The following MYO9A variants were observed in gnomAD, a reference collection of about 807,000 sequenced individuals.
MYO9A encodes the protein unconventional myosin-IXa.
Under a neutral mutation model 293.3 loss-of-function variants are expected in MYO9A, and 103 were observed. The ratio of observed to expected loss-of-function variants is 0.35; its 90% CI spans 0.30 to 0.41. The LOEUF is 0.41. Ranked by LOEUF, MYO9A falls within the 10% of genes least tolerant of loss-of-function variation. MYO9A has a pLI of 1.00. For synonymous variants in MYO9A, 1,001 were observed against 1,035.7 expected, an observed-to-expected ratio of 0.97 and a Z score of 0.64; for missense variants, 2,685 against 3,033.0, an observed-to-expected ratio of 0.89 and a Z score of 2.69.
At chr15:72,073,792 A>G (rs1297999100) in intron 1 of MYO9A, among the ~76,000 whole-genome samples, 2 of 152,220 alleles carry the variant, frequency 1.3e-5, no homozygotes, top group Admixed American at 6.5e-5. Context: ...GTATTATGTA[A>G]ATATGGCAGG....
At chr15:71,828,069 T>C in intron 40 of MYO9A, 43 bp from the exon 41 acceptor site, 1 of 1,584,042 alleles carries the variant, frequency 6.3e-7, no homozygotes, top group South Asian at 1.2e-5. Flanking sequence ...TGATAGGAAG[T>C]GGAAGGAAGA....
In MYO9A at chr15:71,994,496, A is replaced by G; in HGVS notation, c.1560T>C (p.Asn520=). Residue 520 remains asparagine, a synonymous_variant, in exon 10 of 42, where the codon AAT becomes AAC. Transcript: ENST00000356056. ...IVFRINHALL[N]SKDLEHNTKT... Reference sequence around the variant, plus strand: ...TGGTATTATGCTCTAAATCTTTACTATTCAGAAGTGCATGATTAATTCGAA... The same window carrying G: ...TGGTATTATGCTCTAAATCTTTACTGTTCAGAAGTGCATGATTAATTCGAA... 6.2e-7 allele frequency: 1 copy of G among 1,607,450 alleles called. No homozygotes were observed. Among genetic ancestry groups the G allele is most frequent in the Non-Finnish European group, 8.5e-7 (1 of 1,176,450 alleles).
chr15:72,116,823 C>A (rs1366396495), intron 1 of MYO9A: 4 of 152,222 alleles, frequency 2.6e-5, no homozygotes, highest in Admixed American at 2.6e-4. Flanking sequence ...ACAGAACAGA[C>A]AAGACGAGGT....
At chr15:72,110,726 A>G (rs555119953) in intron 1 of MYO9A, among the ~76,000 whole-genome samples, 2 of 152,314 alleles carry the variant, frequency 1.3e-5, no homozygotes, top group Admixed American at 6.5e-5. Context: ...TAAATGCCCC[A>G]ATGCCACAAG....
intron 32 of MYO9A, among the ~76,000 whole-genome samples, chr15:71,871,596 A>C (rs2056515158): frequency 6.6e-6 from 1 of 151,498 alleles, no homozygotes; most frequent in Non-Finnish European, 1.5e-5. Flanking sequence ...GTGGGAGGGC[A>C]CTTGAGCCTG....
intron 1 of MYO9A, among the ~76,000 whole-genome samples, chr15:72,080,818 G>A (rs1031819855): frequency 6.6e-6 from 1 of 151,894 alleles, no homozygotes; most frequent in Non-Finnish European, 1.5e-5. Flanking sequence ...GTGGTATTTG[G>A]TTTTCTGTTC....
At chr15:71,872,556 A>T (rs534923189) in intron 32 of MYO9A, among the ~76,000 whole-genome samples, 2 of 152,306 alleles carry the variant, frequency 1.3e-5, no homozygotes, top group African/African-American at 4.8e-5. Flanking sequence ...CATTTTATTC[A>T]TGTAACGAAT....
At chr15:72,050,829 C>T (rs543530032) in intron 1 of MYO9A, among the ~76,000 whole-genome samples, 6 of 152,216 alleles carry the variant, frequency 3.9e-5, no homozygotes, top group East Asian at 1.9e-4. Flanking sequence ...GACAATGCTC[C>T]GGAGAAGTCA....
intron 12 of MYO9A, among the ~76,000 whole-genome samples, chr15:71,971,269 T>G (rs1567332490): frequency 6.6e-6 from 1 of 151,878 alleles, no homozygotes; most frequent in African/African-American, 2.4e-5. Context: ...AAGATGTGCA[T>G]TCAATGAAAT....
At chr15:71,926,563 C>A (rs1464433314) in intron 18 of MYO9A, among the ~76,000 whole-genome samples, 1 of 152,036 alleles carries the variant, frequency 6.6e-6, no homozygotes, top group Admixed American at 6.6e-5. Flanking sequence ...AAAAATTAGC[C>A]GGGCATGGTG....
intron 39 of MYO9A, among the ~76,000 whole-genome samples, chr15:71,842,902 T>C (rs2055221501): frequency 6.9e-6 from 1 of 145,414 alleles, no homozygotes; most frequent in African/African-American, 2.6e-5. Context: ...TATTAGCTTT[T>C]CTTTGTGTAT....
intron 39 of MYO9A, among the ~76,000 whole-genome samples, 187 bp from the exon 40 acceptor site, chr15:71,830,498 T>G (rs1342686482): frequency 6.6e-6 from 1 of 152,250 alleles, no homozygotes; most frequent in Non-Finnish European, 1.5e-5. Context: ...AAATATTTCT[T>G]GCAGGAGTAC....
intron 1 of MYO9A, among the ~76,000 whole-genome samples, chr15:72,103,459 AAGAAGCAGCAGC>A (rs2080454209): frequency 6.9e-6 from 1 of 144,732 alleles, no homozygotes; most frequent in Non-Finnish European, 1.5e-5. Flanking sequence ...GCAGCAGAAG[AAGAAGCAGCAGC>A]AGAAGCAGAA....
chr15:71,849,962 T>TATGAACCCATTCAC, intron 38 of MYO9A, 74 bp downstream of exon 38: 14 of 1,548,448 alleles, frequency 9.0e-6, no homozygotes, highest in African/African-American at 1.4e-5. Flanking sequence ...TTCACTATGT[T>TATGAACCCATTCAC]TGATATCTGG....
rs1218287278 is a variant in MYO9A at position 71,878,188 on chromosome 15, A to T, written c.5783T>A (p.Leu1928Gln). The change falls in exon 31 of 42, where the codon CTA becomes CAA. Residue 1928 changes from leucine to glutamine, a missense_variant. Around this residue, in one of 10 missense-constraint regions of MYO9A, gnomAD observed 1,434 missense variants for 1,497.7 expected, o/e 0.96. Coordinates refer to ENST00000356056, the MANE Select transcript of MYO9A (RefSeq NM_006901.4). ...KSIRYKDLYA[L>Q]FEQILEKTMR... ...CGTCTTTTCCAGAATCTGTTCAAAT[A>T]GTGCATAGAGGTCTTTATACCGTAT... 2 of 1,608,908 alleles carry T rather than the reference A, an allele frequency of 1.2e-6. No individual in the cohort carries two copies. The highest frequency in any genetic ancestry group is 1.7e-5 in the Admixed American group (1 of 58,148).
intron 1 of MYO9A, among the ~76,000 whole-genome samples, chr15:72,112,185 T>C (rs2080802097): frequency 6.6e-6 from 1 of 152,112 alleles, no homozygotes. Context: ...TGAGAAAAAG[T>C]ATGCTCCAAA....
At chr15:71,829,663 A>G (rs1027898692) in intron 40 of MYO9A, among the ~76,000 whole-genome samples, 3 of 152,002 alleles carry the variant, frequency 2.0e-5, no homozygotes, top group African/African-American at 7.2e-5. Flanking sequence ...GGATTTGTGA[A>G]TAATGCCCAT....
chr15:71,923,866 T>C (rs1212651212), intron 18 of MYO9A, among the ~76,000 whole-genome samples: 1 of 152,168 alleles, frequency 6.6e-6, no homozygotes, highest in Non-Finnish European at 1.5e-5. Context: ...CTTTATCATT[T>C]CTCTTCTTCT....
In MYO9A at chr15:72,035,764, C is replaced by T. The variant is rs142478303; in HGVS notation, c.841-3176G>A. 3.2e-3 allele frequency among the ~76,000 whole-genome samples: 483 copies of T among 152,194 alleles called. 4 individuals are homozygous for T. Among genetic ancestry groups the T allele is most frequent in the African/African-American group, 0.011 (468 of 41,524 alleles). On this transcript the variant is annotated intron_variant, in intron 2 of 41. Coordinates refer to ENST00000356056, the MANE Select transcript of MYO9A (RefSeq NM_006901.4). Reference sequence around the variant, plus strand: ...AGGCAGCAGTAAGCTGTGACTGTACCACTGCACTCCAGCCAGGGTGACAGA... The same window carrying T: ...AGGCAGCAGTAAGCTGTGACTGTACTACTGCACTCCAGCCAGGGTGACAGA...
Sources: gnomAD v4.1 joint callset for allele counts (sites outside exome capture counted in the v4.1 genomes callset) on GRCh38, gnomAD v4.1.1 for gene constraint, gnomAD v4.1.1 regional missense constraint, MANE v1.5 for transcripts, NCBI Gene and HGNC (gene_info 2026-07-23, HGNC 2026-07-21) for gene names.